Variants in PLEKHS1 observed in about 807,000 individuals in gnomAD.
The protein encoded by PLEKHS1 is pleckstrin homology domain containing S1, also known as pleckstrin homology domain-containing family S member 1.
PLEKHS1 carries 55 observed loss-of-function variants against 51.0 expected under a neutral mutation model. The ratio of observed to expected loss-of-function variants is 1.08; its 90% CI spans 0.87 to 1.35. The LOEUF (loss-of-function observed/expected upper bound fraction) is 1.35, where lower values mean the gene tolerates loss of function less well. Among genes scored for constraint, PLEKHS1 ranks in the 40% most tolerant of loss-of-function variants. The pLI is 0.00. For missense variants in PLEKHS1, 398 were observed against 423.0 expected (o/e 0.94, Z 0.52); for synonymous variants, 153 against 144.8 (o/e 1.06, Z -0.41).
rs759626449 is a variant in PLEKHS1, at chr10:113,772,072, C to T, written c.655C>T (p.Arg219Ter). Reference sequence around the variant, plus strand: ...GGAAGAGAATCATTATCTTACTCCTCGAAGTGTTCTTTTAGAGGTAACCCC... The same window carrying T: ...GGAAGAGAATCATTATCTTACTCCTTGAAGTGTTCTTTTAGAGGTAACCCC... Residue 219 changes from arginine (R) to a stop codon, truncating the protein, a stop_gained, in exon 8 of 12, where the codon CGA becomes TGA. Coordinates refer to ENST00000361048, the Ensembl canonical transcript of PLEKHS1. LOFTEE classifies it high-confidence loss of function. 1.7e-5 allele frequency: 28 copies of T among 1,612,466 alleles called. No individual in the cohort carries two copies. The highest frequency in any genetic ancestry group is 2.2e-5 in the Non-Finnish European group (26 of 1,179,748).
At chr10:113,753,758 T>G (rs182129323) in intron 1 of PLEKHS1, among the ~76,000 whole-genome samples, 56 of 152,176 alleles carry the variant, frequency 3.7e-4, no homozygotes, top group Non-Finnish European at 6.0e-4. Context: ...TCTTAGAACT[T>G]GTCTTAATCT....
chr10:113,771,070 T>C (rs1844382545), intron 7 of PLEKHS1, among the ~76,000 whole-genome samples: 1 of 152,200 alleles, frequency 6.6e-6, no homozygotes. Flanking sequence ...GGCATTGTTC[T>C]TGGAATTTTT....
chr10:113,777,498 G>C (rs1262774996), intron 11 of PLEKHS1: 6 of 1,574,264 alleles, frequency 3.8e-6, no homozygotes, highest in Non-Finnish European at 5.2e-6. Context: ...ACCTCAGATC[G>C]GCATGATGTA....
chr10:113,777,778 T>G, intron 11 of PLEKHS1: 1 of 1,447,616 alleles, frequency 6.9e-7, no homozygotes, highest in South Asian at 1.5e-5. Flanking sequence ...AGTTTCATTA[T>G]CTCAGAAATC....
At chr10:113,779,243 C>A (rs1430014689) in intron 11 of PLEKHS1, among the ~76,000 whole-genome samples, 1 of 152,140 alleles carries the variant, frequency 6.6e-6, no homozygotes, top group Non-Finnish European at 1.5e-5. Context: ...CCTAGTCCAA[C>A]AATCTGGTAA....
Position 113,755,372 on chromosome 10 carries a change from A to G in PLEKHS1, c.28+67A>G, listed in dbSNP as rs977573381. The stretch of plus-strand genomic sequence containing the variant: ...TGAAAATGCCCCACGGTTTCCTTCA[A>G]GCTAACCAGGATACAGAACTTGGTG... On this transcript the variant is annotated intron_variant, in intron 2 of 11. Transcript: ENST00000361048. 1.8e-5 allele frequency: 28 copies of G among 1,570,232 alleles called. No homozygotes were observed. The African/African-American group carries it at 3.4e-4, about 19-fold the overall frequency.
intron 2 of PLEKHS1, among the ~76,000 whole-genome samples, chr10:113,761,578 A>G (rs1236314409): frequency 2.0e-5 from 3 of 151,896 alleles, no homozygotes; most frequent in Non-Finnish European, 4.4e-5. Flanking sequence ...TTTTTGGATT[A>G]TTTATTGCTG....
At chr10:113,773,102 G>A (rs1844487343) in intron 8 of PLEKHS1, among the ~76,000 whole-genome samples, 4 of 152,162 alleles carry the variant, frequency 2.6e-5, no homozygotes, top group Admixed American at 2.0e-4. Context: ...GAAACATTCT[G>A]GGGTCAAATA....
intron 8 of PLEKHS1, among the ~76,000 whole-genome samples, chr10:113,772,397 A>G (rs779265099): frequency 6.6e-6 from 1 of 152,168 alleles, no homozygotes; most frequent in Non-Finnish European, 1.5e-5. Context: ...ATACATGATG[A>G]GTAAAATTTG....
intron 2 of PLEKHS1, among the ~76,000 whole-genome samples, chr10:113,756,019 T>C (rs1332856407): frequency 6.6e-6 from 1 of 152,226 alleles, no homozygotes; most frequent in African/African-American, 2.4e-5. Context: ...GTATCCTTGC[T>C]CTTATTCATA....
intron 7 of PLEKHS1, 132 bp from the exon 8 acceptor site, chr10:113,771,838 C>T: frequency 1.9e-6 from 2 of 1,063,058 alleles, no homozygotes; most frequent in Non-Finnish European, 2.6e-6. Context: ...GTGTGAGCTT[C>T]TGGATGTAAT....
At chr10:113,757,201 C>T (rs537533899) in intron 2 of PLEKHS1, among the ~76,000 whole-genome samples, 3 of 152,234 alleles carry the variant, frequency 2.0e-5, no homozygotes, top group South Asian at 2.1e-4. Flanking sequence ...GCATGAGCAC[C>T]GCACTGTTGG....
chr10:113,756,364 G>A (rs1318311140), intron 2 of PLEKHS1, among the ~76,000 whole-genome samples: 1 of 152,130 alleles, frequency 6.6e-6, no homozygotes, highest in African/African-American at 2.4e-5. Flanking sequence ...AAGAGGCTGA[G>A]GCAGGAGAAC....
intron 11 of PLEKHS1, among the ~76,000 whole-genome samples, chr10:113,779,128 T>C (rs1844790798): frequency 6.6e-6 from 1 of 152,186 alleles, no homozygotes; most frequent in Admixed American, 6.5e-5. Context: ...GGAGTAAATC[T>C]ACATGAAGGA....
intron 2 of PLEKHS1, chr10:113,765,515 C>A: frequency 1.5e-6 from 1 of 658,318 alleles, no homozygotes; most frequent in Non-Finnish European, 2.8e-6. Context: ...GTATATATTG[C>A]CCTTTGGCTT....
intron 11 of PLEKHS1, chr10:113,777,837 A>G (rs1486316792): frequency 1.9e-5 from 26 of 1,346,482 alleles, no homozygotes; most frequent in Non-Finnish European, 2.9e-6. Flanking sequence ...TAAACATAAT[A>G]TGTGGTGCTG....
chr10:113,776,236 G>A (rs1374727160), intron 11 of PLEKHS1, among the ~76,000 whole-genome samples: 1 of 151,932 alleles, frequency 6.6e-6, no homozygotes, highest in Non-Finnish European at 1.5e-5. Flanking sequence ...AAGAATCAGA[G>A]GCCTAAAAGA....
downstream of PLEKHS1, chr10:113,782,885 C>T (rs976635376): frequency 2.6e-5 from 4 of 152,124 alleles, no homozygotes. Context: ...TGCAGAAATA[C>T]ACAAATACAC....
intron 2 of PLEKHS1, among the ~76,000 whole-genome samples, chr10:113,757,724 G>A (rs2134473739): frequency 6.6e-6 from 1 of 152,240 alleles, no homozygotes; most frequent in South Asian, 2.1e-4. Context: ...TGTAGCAAGT[G>A]GTGCTGTTTG....
Sources: gnomAD v4.1 joint callset for allele counts (sites outside exome capture counted in the v4.1 genomes callset) on GRCh38, gnomAD v4.1.1 for gene constraint, MANE v1.5 for transcripts, NCBI Gene and HGNC (gene_info 2026-07-23, HGNC 2026-07-21) for gene names.